GALNT13: variants seen among roughly 807,000 people sequenced by gnomAD.
GALNT13 encodes the protein polypeptide N-acetylgalactosaminyltransferase 13.
In GALNT13, 28 loss-of-function variants were observed where a neutral mutation model predicts 64.2. That is an observed-to-expected ratio of 0.44 (90% CI 0.32 to 0.60). GALNT13 has a LOEUF of 0.60. GALNT13 is among the 20% of genes least tolerant of loss of function. The pLI, the probability that GALNT13 is intolerant of heterozygous loss-of-function variation, is 0.05. For synonymous variants in GALNT13, 214 were observed against 224.6 expected (o/e 0.95, Z 0.42); for missense variants, 577 against 669.8 (o/e 0.86, Z 1.53).
At chr2:154,206,164 A>C (rs1003016921) in intron 4 of GALNT13, among the ~76,000 whole-genome samples, 1 of 150,828 alleles carries the variant, frequency 6.6e-6, no homozygotes, top group Non-Finnish European at 1.5e-5. Flanking sequence ...CGCCCGGCTA[A>C]TTTTTCTATT....
chr2:153,882,281 AAAAGT>A (rs1319803824), intron 1 of GALNT13, among the ~76,000 whole-genome samples: 1 of 152,048 alleles, frequency 6.6e-6, no homozygotes, highest in Non-Finnish European at 1.5e-5. Context: ...TAATGCTGAA[AAAAGT>A]AAAGAACAGA....
At chr2:153,871,597 A>G (rs1289210710), upstream of GALNT13, among the ~76,000 whole-genome samples, 1 of 152,126 alleles carries the variant, frequency 6.6e-6, no homozygotes, top group Non-Finnish European at 1.5e-5. Context: ...CAAAGCGGCC[A>G]GGGGTCGCGA....
chr2:154,321,577 T>C (rs1415050114), intron 9 of GALNT13, among the ~76,000 whole-genome samples: 2 of 152,142 alleles, frequency 1.3e-5, no homozygotes, highest in Admixed American at 6.6e-5. Context: ...CTAATATCTT[T>C]ACACTCTAGT....
At chr2:153,450,102 G>T in the GALNT13 span, among the ~76,000 whole-genome samples, 1 of 152,122 alleles carries the variant, frequency 6.6e-6, no homozygotes, top group Non-Finnish European at 1.5e-5. Flanking sequence ...ATCGTTCAGG[G>T]TTTAGAATGA....
At chr2:153,507,682 T>A in the GALNT13 span, among the ~76,000 whole-genome samples, 1 of 152,206 alleles carries the variant, frequency 6.6e-6, no homozygotes, top group African/African-American at 2.4e-5. Flanking sequence ...TTCAGAGATT[T>A]CATCTTGGTT....
intron 11 of GALNT13, among the ~76,000 whole-genome samples, chr2:154,413,054 C>A (rs561687797): frequency 3.9e-5 from 6 of 151,964 alleles, no homozygotes; most frequent in Admixed American, 3.3e-4. Flanking sequence ...CTTCTCTGTA[C>A]TTCTGAAAGA....
Position 154,146,124 on chromosome 2 carries a change from A to ATG in GALNT13, c.311+5631_311+5632dup, listed in dbSNP as rs1229124539. On this transcript the variant is annotated intron_variant, in intron 4 of 12. Coordinates refer to ENST00000392825, the MANE Select transcript of GALNT13 (RefSeq NM_052917.4). ...CTGTATGTTTACATATGCACAATGTATGTGTGTGTGTGTATATATATATAT... is the reference window on the plus strand; with the variant it reads ...CTGTATGTTTACATATGCACAATGTATGTGTGTGTGTGTGTATATATATATAT... Among the ~76,000 whole-genome samples, 336 of 130,666 alleles carry ATG rather than the reference A, an allele frequency of 2.6e-3. 2 individuals carry two copies. The highest frequency in any genetic ancestry group is 5.2e-3 in the African/African-American group (201 of 38,892). 85.7% of individuals were successfully genotyped at this position (130,666 alleles called of 152,430 possible).
the GALNT13 span, among the ~76,000 whole-genome samples, chr2:153,417,163 T>A: frequency 6.6e-6 from 1 of 151,994 alleles, no homozygotes; most frequent in East Asian, 1.9e-4. Context: ...CAGTGCTAAA[T>A]CCCTACAGGG....
intron 8 of GALNT13, among the ~76,000 whole-genome samples, chr2:154,283,308 A>G (rs1252679509): frequency 6.6e-6 from 1 of 152,126 alleles, no homozygotes; most frequent in Admixed American, 6.6e-5. Context: ...CTTTACCAAA[A>G]TTGAGAAAAT....
the GALNT13 span, among the ~76,000 whole-genome samples, chr2:153,301,711 G>A: frequency 6.6e-6 from 1 of 152,100 alleles, no homozygotes; most frequent in African/African-American, 2.4e-5. Context: ...CACCACCCCA[G>A]TTCTCTGCTT....
chr2:154,333,427 A>G (rs1274122341), intron 9 of GALNT13, among the ~76,000 whole-genome samples: 1 of 152,122 alleles, frequency 6.6e-6, no homozygotes, highest in East Asian at 1.9e-4. Context: ...GTTAAAGAAC[A>G]TGTATAACTC....
At chr2:153,440,542 G>A in the GALNT13 span, among the ~76,000 whole-genome samples, 1 of 152,122 alleles carries the variant, frequency 6.6e-6, no homozygotes, top group Non-Finnish European at 1.5e-5. Context: ...TTCCACAATG[G>A]TTGAACTAAT....
the GALNT13 span, among the ~76,000 whole-genome samples, chr2:153,355,380 C>T: frequency 5.3e-5 from 8 of 152,140 alleles, no homozygotes; most frequent in Non-Finnish European, 1.0e-4. Context: ...GTATTAGATG[C>T]CCTCCCATAA....
chr2:154,364,312 T>A (rs1284685907), intron 9 of GALNT13, among the ~76,000 whole-genome samples: 3 of 152,184 alleles, frequency 2.0e-5, no homozygotes, highest in African/African-American at 7.2e-5. Context: ...GCAAGAATAT[T>A]TTTAACCTAA....
the GALNT13 span, among the ~76,000 whole-genome samples, chr2:153,860,495 T>A: frequency 2.6e-5 from 4 of 152,314 alleles, no homozygotes; most frequent in East Asian, 7.7e-4. Context: ...CCTCTTTTAC[T>A]ATTTAGGACC....
At chr2:153,724,565 G>A in the GALNT13 span, among the ~76,000 whole-genome samples, 1 of 109,366 alleles carries the variant, frequency 9.1e-6, no homozygotes, top group Non-Finnish European at 1.8e-5. Context: ...ATCTGACAAA[G>A]GGCTAATATC....
chr2:153,278,345 A>G, the GALNT13 span, among the ~76,000 whole-genome samples: 3 of 152,010 alleles, frequency 2.0e-5, no homozygotes, highest in Non-Finnish European at 4.4e-5. Flanking sequence ...GCTATCCACA[A>G]GCTGTTTAAT....
chr2:154,343,154 G>A (rs975469742), intron 9 of GALNT13, among the ~76,000 whole-genome samples: 3 of 151,924 alleles, frequency 2.0e-5, no homozygotes, highest in African/African-American at 7.2e-5. Flanking sequence ...AAACATGGGG[G>A]CATCAGCTCT....
chr2:153,377,482 GTCTCACTCTGTTAGTT>G, the GALNT13 span, among the ~76,000 whole-genome samples: 2 of 152,068 alleles, frequency 1.3e-5, no homozygotes, highest in Admixed American at 6.6e-5. Flanking sequence ...TAGGGGTTGA[GTCTCACTCTGTTAGTT>G]TCTCACTCTG....
Sources: gnomAD v4.1 joint callset for allele counts (sites outside exome capture counted in the v4.1 genomes callset) on GRCh38, gnomAD v4.1.1 for gene constraint, MANE v1.5 for transcripts, NCBI Gene and HGNC (gene_info 2026-07-23, HGNC 2026-07-21) for gene names.